Variants in CEP43 observed in about 807,000 individuals in gnomAD.
The protein encoded by CEP43 is FGFR1 oncogene partner.
In CEP43, 36 loss-of-function variants were observed where a neutral mutation model predicts 52.6. The ratio of observed to expected loss-of-function variants is 0.68; its 90% CI spans 0.52 to 0.90. The LOEUF is 0.90. CEP43 is among the 40% of genes least tolerant of loss of function. CEP43 has a pLI of 0.00. For missense variants in CEP43, 506 were observed against 472.8 expected (o/e 1.07, Z -0.65); for synonymous variants, 192 against 172.4 (o/e 1.11, Z -0.89).
intron 10 of CEP43, among the ~76,000 whole-genome samples, chr6:167,030,309 T>A (rs1780440326): frequency 6.6e-6 from 1 of 152,178 alleles, no homozygotes; most frequent in Non-Finnish European, 1.5e-5. Flanking sequence ...CTACAATGGG[T>A]CCTTGGAGGC....
intron 8 of CEP43, among the ~76,000 whole-genome samples, chr6:167,024,369 T>C (rs1780305840): frequency 6.6e-6 from 1 of 152,184 alleles, no homozygotes; most frequent in Non-Finnish European, 1.5e-5. Context: ...GTCATGACTT[T>C]AAGGGGAGTT....
intron 9 of CEP43, among the ~76,000 whole-genome samples, chr6:167,025,964 A>G (rs928660004): frequency 6.6e-6 from 1 of 152,258 alleles, no homozygotes; most frequent in Non-Finnish European, 1.5e-5. Flanking sequence ...TTAACAGTCT[A>G]TGAATTCATA....
Position 167,040,673 on chromosome 6 carries a change from C to T in CEP43, c.*695C>T. ...ATAACATTTGCAATCGTCATTCCTCCTGTTATCCATGTAAGCAGCTTTAGT... is the reference window on the plus strand; with the variant it reads ...ATAACATTTGCAATCGTCATTCCTCTTGTTATCCATGTAAGCAGCTTTAGT... On this transcript the variant is annotated 3_prime_UTR_variant, in exon 13 of 13. Transcript: ENST00000366847. 2.0e-6 allele frequency: 2 copies of T among 1,022,428 alleles called. No homozygotes were observed. Among genetic ancestry groups the T allele is most frequent in the Non-Finnish European group, 2.4e-6 (2 of 849,660 alleles). 63.3% of individuals were successfully genotyped at this position (1,022,428 alleles called of 1,614,324 possible). A position where few individuals can be genotyped will look rare whatever the true frequency, so the allele number is the denominator to read the frequency against.
chr6:167,009,117 C>T (rs1009742817), intron 5 of CEP43, among the ~76,000 whole-genome samples: 42 of 46,858 alleles, frequency 9.0e-4, no homozygotes, highest in Middle Eastern at 0.012. Flanking sequence ...TAATGTTGGG[C>T]GCGGTGGCTC....
chr6:167,025,114 A>G (rs1780326107), intron 9 of CEP43: 1 of 348,842 alleles, frequency 2.9e-6, no homozygotes, highest in Non-Finnish European at 5.1e-6. Context: ...CTATACCTAT[A>G]TACCATCGGA....
At chr6:167,025,002 T>C (rs73028285) in intron 9 of CEP43, 108 bp downstream of exon 9, 13,068 of 659,476 alleles carry the variant, frequency 0.02, 251 homozygotes, top group East Asian at 0.073. Context: ...TAAAATAACC[T>C]ATCATTTTAT....
rs1322014145 is a variant in CEP43 at position 167,050,091 on chromosome 6, G to A, written c.*10113G>A. 6.6e-6 allele frequency: 1 copy of A among 152,208 alleles called. No individual in the cohort carries two copies. Among genetic ancestry groups the A allele is most frequent in the African/African-American group, 2.4e-5 (1 of 41,450 alleles). 9.4% of individuals were successfully genotyped at this position (152,208 alleles called of 1,614,324 possible). On this transcript the variant is annotated 3_prime_UTR_variant, in exon 13 of 13. Transcript: ENST00000366847. ...CTTGTAATCCCCATAATCTCCATGTGTCAAGGGTGGGACCAGGTGGAGGTA... is the reference window on the plus strand; with the variant it reads ...CTTGTAATCCCCATAATCTCCATGTATCAAGGGTGGGACCAGGTGGAGGTA...
At chr6:167,028,548 T>C in intron 10 of CEP43, 1 of 961,274 alleles carries the variant, frequency 1.0e-6, no homozygotes, top group Non-Finnish European at 1.2e-6. Context: ...AAATATACAG[T>C]ACTCTAGGTA....
Position 167,052,205 on chromosome 6 carries a change from C to A in CEP43, c.*12227C>A, listed in dbSNP as rs552869098. 3.3e-5 allele frequency: 5 copies of A among 152,270 alleles called. No individual in the cohort carries two copies. The highest frequency in any genetic ancestry group is 7.3e-5 in the Non-Finnish European group (5 of 68,030). 9.4% of individuals were successfully genotyped at this position (152,270 alleles called of 1,614,324 possible). A position where few individuals can be genotyped will look rare whatever the true frequency, so the allele number is the denominator to read the frequency against. On this transcript the variant is annotated 3_prime_UTR_variant, in exon 13 of 13. Coordinates refer to ENST00000366847, the MANE Select transcript of CEP43 (RefSeq NM_007045.4). ...AGAAACACATTTCTTCTTTATAGCT[C>A]TAGGTCCTCTTCACTTGTTTTTGTG... is the stretch of plus-strand genomic sequence containing the variant.
At chr6:167,028,732 C>T (rs1220376701) in intron 10 of CEP43, among the ~76,000 whole-genome samples, 3 of 152,060 alleles carry the variant, frequency 2.0e-5, no homozygotes, top group Non-Finnish European at 4.4e-5. Flanking sequence ...AGTAACTTGC[C>T]CAAGGTCATG....
rs1428408499 is a variant in CEP43 at position 167,045,415 on chromosome 6, A to C, written c.*5437A>C. 1.4e-5 allele frequency: 2 copies of C among 145,636 alleles called. No individual in the cohort carries two copies. The highest frequency in any genetic ancestry group is 5.0e-5 in the African/African-American group (2 of 40,180). The allele number at this position is 145,636 out of a possible 1,614,324, so 9.0% of individuals were successfully genotyped here. A position where few individuals can be genotyped will look rare whatever the true frequency, so the allele number is the denominator to read the frequency against. ...TGGGATTACAGGCATGAGCCACTGT[A>C]CCCAGCCCTGTATTTTCTTTAAAAA... On this transcript the variant is annotated 3_prime_UTR_variant, in exon 13 of 13. Transcript: ENST00000366847.
intron 4 of CEP43, 188 bp from the exon 5 acceptor site, chr6:167,004,076 T>C: frequency 3.2e-6 from 2 of 631,946 alleles, no homozygotes; most frequent in Non-Finnish European, 5.2e-6. Flanking sequence ...CACCTGTTAA[T>C]GGAAACGTTG....
intron 7 of CEP43, among the ~76,000 whole-genome samples, chr6:167,019,692 C>T (rs1256936738): frequency 6.6e-6 from 1 of 152,034 alleles, no homozygotes; most frequent in Non-Finnish European, 1.5e-5. Flanking sequence ...TAGTAATGCC[C>T]TTCTCCGTAA....
At position 167,023,782 on chromosome 6, in the gene CEP43, C is replaced by T. The variant is rs374886922; in HGVS notation, c.807-1000C>T. On this transcript the variant is annotated intron_variant, in intron 8 of 12. Transcript: ENST00000366847. ...GTAGGGAGGAGTAGCTGTATGATGC[C>T]GTTGGATTTAGCCATCTGGAGGTCA... is the stretch of plus-strand genomic sequence containing the variant. 7.9e-5 allele frequency among the ~76,000 whole-genome samples: 12 copies of T among 151,986 alleles called. 1 individual carries two copies. The East Asian group carries it at 1.3e-3, about 17-fold the overall frequency.
intron 7 of CEP43, 86 bp from the exon 8 acceptor site, chr6:167,022,323 A>G: frequency 1.1e-6 from 1 of 900,550 alleles, no homozygotes; most frequent in Non-Finnish European, 1.7e-6. Context: ...AGGTTTGATT[A>G]TGCTCATGAG....
chr6:167,013,831 G>T (rs1780035728), intron 7 of CEP43, among the ~76,000 whole-genome samples: 1 of 152,188 alleles, frequency 6.6e-6, no homozygotes, highest in Non-Finnish European at 1.5e-5. Flanking sequence ...AAATTAGCCG[G>T]CCGTGGTGGT....
chr6:167,004,736 C>A (rs2128657658), intron 5 of CEP43, among the ~76,000 whole-genome samples: 1 of 152,338 alleles, frequency 6.6e-6, no homozygotes. Context: ...CCAGGCCCTA[C>A]CTTGGTGTTC....
rs144758821 is a variant in CEP43, at chr6:167,024,838, C to G, written c.863C>G (p.Pro288Arg). 1.9e-6 allele frequency: 3 copies of G among 1,612,922 alleles called. No homozygotes were observed. Among genetic ancestry groups the G allele is most frequent in the African/African-American group, 1.3e-5 (1 of 75,012 alleles). Residue 288 changes from proline (P) to arginine (R), a missense_variant, in exon 9 of 13, where the codon CCC becomes CGC. Coordinates refer to ENST00000366847, the MANE Select transcript of CEP43 (RefSeq NM_007045.4). ...CTGGCCTCGCTCTCGGATGCACCCC[C>G]CTTAAAAAGTGGACTCAGCTCCCTG... ...GSLASLSDAPPLKSGLSSLAG... is the reference protein window; with the variant it reads ...GSLASLSDAPRLKSGLSSLAG...
chr6:167,033,683 A>G (rs936598025), intron 11 of CEP43, among the ~76,000 whole-genome samples, 192 bp from the exon 12 acceptor site: 6 of 152,194 alleles, frequency 3.9e-5, no homozygotes, highest in African/African-American at 1.2e-4. Context: ...CATCTGTTAC[A>G]TTGACTTGAC....
Sources: allele counts gnomAD v4.1 joint callset (sites outside exome capture counted in the v4.1 genomes callset), GRCh38; gene constraint gnomAD v4.1.1; transcripts MANE v1.5; gene names NCBI Gene and HGNC (gene_info 2026-07-23, HGNC 2026-07-21).